NIPBL: variants seen among roughly 807,000 people sequenced by gnomAD.
The protein encoded by NIPBL is nipped-B-like protein.
NIPBL carries 19 observed loss-of-function variants against 321.8 expected under a neutral mutation model. The ratio of observed to expected loss-of-function variants is 0.06; its 90% CI spans 0.04 to 0.09. The LOEUF is 0.09. Among genes scored for constraint, NIPBL ranks in the 10% least tolerant of loss-of-function variants. NIPBL has a pLI of 1.00. For synonymous variants in NIPBL, 1,106 were observed against 1,114.1 expected (o/e 0.99, Z 0.14); for missense variants, 2,210 against 3,327.0 (o/e 0.66, Z 8.26).
intron 8 of NIPBL, 106 bp downstream of exon 8, chr5:36,972,147 T>C: frequency 1.3e-6 from 1 of 765,574 alleles, no homozygotes. Context: ...GTATTTTTTT[T>C]TCATTGTAGA....
chr5:36,976,623 A>C (rs1017781028), intron 9 of NIPBL, among the ~76,000 whole-genome samples: 1 of 152,098 alleles, frequency 6.6e-6, no homozygotes, highest in African/African-American at 2.4e-5. Flanking sequence ...TCTCTACTAC[A>C]GGTCTGTTAC....
At chr5:36,921,457 C>T (rs1424083757) in intron 1 of NIPBL, among the ~76,000 whole-genome samples, 2 of 152,178 alleles carry the variant, frequency 1.3e-5, no homozygotes, top group Admixed American at 6.5e-5. Context: ...CCTGTCTTCA[C>T]CATTTCATGA....
intron 10 of NIPBL, among the ~76,000 whole-genome samples, chr5:36,988,937 A>G (rs1248644591): frequency 6.6e-6 from 1 of 152,204 alleles, no homozygotes; most frequent in African/African-American, 2.4e-5. Flanking sequence ...TGAGCATGAT[A>G]AATGTAAAGT....
chr5:37,006,721 C>G lies in NIPBL; in HGVS notation c.4087+133C>G, dbSNP rs1580452241. The G allele has an allele frequency of 1.4e-5, 9 of 632,204 alleles. No individual in the cohort carries two copies. The East Asian group carries it at 2.5e-4, about 17-fold the overall frequency. 39.2% of individuals were successfully genotyped at this position (632,204 alleles called of 1,614,324 possible). A position where few individuals can be genotyped will look rare whatever the true frequency, so the allele number is the denominator to read the frequency against. ...ACACTGATTTTGATTATGGATTTGACTAGAATATAGTACTTGTTCAATTAT... is the reference window on the plus strand; with the variant it reads ...ACACTGATTTTGATTATGGATTTGAGTAGAATATAGTACTTGTTCAATTAT... On this transcript the variant is annotated intron_variant, in intron 17 of 46. Coordinates refer to ENST00000282516, the MANE Select transcript of NIPBL (RefSeq NM_133433.4).
Position 37,044,686 on chromosome 5 carries a change from A to C in NIPBL, c.6300A>C (p.Thr2100=), listed in dbSNP as rs1752794366. 1 of 1,613,824 alleles carries C rather than the reference A, an allele frequency of 6.2e-7. No individual in the cohort carries two copies. The highest frequency in any genetic ancestry group is 1.7e-5 in the Admixed American group (1 of 59,992). The change falls in exon 36 of 47, where the codon ACA becomes ACC. Residue 2100 remains threonine (T), a synonymous_variant. Coordinates refer to ENST00000282516, the MANE Select transcript of NIPBL (RefSeq NM_133433.4). ...TTGGAGCTGTTGTAAATAAAGTGAC[A>C]CAAAATTTTAAATTTGTGTGGGCTT... ...SCLGAVVNKV[T]QNFKFVWACF...
chr5:36,960,672 C>G (rs1456104464), intron 4 of NIPBL, among the ~76,000 whole-genome samples: 2 of 152,072 alleles, frequency 1.3e-5, no homozygotes, highest in African/African-American at 2.4e-5. Context: ...CAATTTGATG[C>G]TTGCAGCTGC....
At chr5:37,028,762 A>G (rs528906138) in intron 32 of NIPBL, among the ~76,000 whole-genome samples, 1 of 152,230 alleles carries the variant, frequency 6.6e-6, no homozygotes, top group African/African-American at 2.4e-5. Flanking sequence ...ATAATAATGC[A>G]TTATTCCATA....
intron 1 of NIPBL, among the ~76,000 whole-genome samples, chr5:36,891,932 G>A (rs1008778067): frequency 1.3e-5 from 2 of 152,102 alleles, no homozygotes; most frequent in African/African-American, 4.8e-5. Context: ...AACAGTCAAG[G>A]ATATATCCTT....
chr5:36,971,241 G>C (rs978471350), intron 7 of NIPBL, among the ~76,000 whole-genome samples: 2 of 149,148 alleles, frequency 1.3e-5, no homozygotes, highest in African/African-American at 5.0e-5. Flanking sequence ...AAGTGAGAAT[G>C]GTTTTTACAT....
At chr5:36,932,107 G>A (rs1749821614) in intron 1 of NIPBL, among the ~76,000 whole-genome samples, 1 of 151,884 alleles carries the variant, frequency 6.6e-6, no homozygotes, top group South Asian at 2.1e-4. Context: ...TTGTTGTCAG[G>A]GAACACCCTT....
intron 1 of NIPBL, among the ~76,000 whole-genome samples, chr5:36,951,727 C>A (rs1456079750): frequency 1.3e-5 from 2 of 152,040 alleles, no homozygotes; most frequent in African/African-American, 4.8e-5. Flanking sequence ...AGCAAATGGA[C>A]AAATATAGAA....
At chr5:36,944,408 T>C (rs1739439725) in intron 1 of NIPBL, among the ~76,000 whole-genome samples, 1 of 152,110 alleles carries the variant, frequency 6.6e-6, no homozygotes, top group Non-Finnish European at 1.5e-5. Context: ...TCCTAAAGTA[T>C]CTGAAGCATA....
intron 1 of NIPBL, among the ~76,000 whole-genome samples, chr5:36,952,066 G>GCT (rs1399134249): frequency 1.4e-5 from 2 of 140,044 alleles, no homozygotes; most frequent in Non-Finnish European, 1.6e-5. Context: ...GCGCGCGCGC[G>GCT]CGCGCGCATG....
intron 1 of NIPBL, among the ~76,000 whole-genome samples, chr5:36,921,498 T>G (rs1167268604): frequency 1.3e-5 from 2 of 152,198 alleles, no homozygotes; most frequent in African/African-American, 4.8e-5. Flanking sequence ...GGCTTACTTT[T>G]TCTTTAATTT....
At chr5:37,037,165 A>T (rs1316953866) in intron 33 of NIPBL, among the ~76,000 whole-genome samples, 2 of 151,500 alleles carry the variant, frequency 1.3e-5, no homozygotes, top group Non-Finnish European at 2.9e-5. Flanking sequence ...AGGCGGGCAG[A>T]TCATGAGGTC....
In NIPBL at chr5:36,972,119, A is replaced by G. The variant is rs186893979; in HGVS notation, c.868+78A>G. 6.5e-5 allele frequency: 61 copies of G among 935,580 alleles called. No homozygotes were observed. The Admixed American group carries it at 1.1e-3, about 17-fold the overall frequency. 58.0% of individuals were successfully genotyped at this position (935,580 alleles called of 1,614,324 possible). ...AAAGAACTCAGACTTCCTAAAGCAG[A>G]TATTAAAAAGTTATTCTGTATTTTT... is the stretch of plus-strand genomic sequence containing the variant. On this transcript the variant is annotated intron_variant, in intron 8 of 46. Coordinates refer to ENST00000282516, the MANE Select transcript of NIPBL (RefSeq NM_133433.4).
chr5:36,962,891 T>A (rs1580341952), intron 6 of NIPBL, among the ~76,000 whole-genome samples: 1 of 152,228 alleles, frequency 6.6e-6, no homozygotes, highest in East Asian at 1.9e-4. Flanking sequence ...TATCAGGGAC[T>A]TTTAAGCATT....
chr5:37,047,254 A>T (rs111470715), intron 38 of NIPBL, among the ~76,000 whole-genome samples: 1 of 152,166 alleles, frequency 6.6e-6, no homozygotes, highest in South Asian at 2.1e-4. Context: ...AAAGCTACCC[A>T]ATGAGATTAA....
chr5:36,945,598 T>C (rs1379231123), intron 1 of NIPBL, among the ~76,000 whole-genome samples: 1 of 152,166 alleles, frequency 6.6e-6, no homozygotes, highest in Admixed American at 6.5e-5. Flanking sequence ...TGCAGAGAGC[T>C]CAGGGTTCCA....
Sources: gnomAD v4.1 joint callset for allele counts (sites outside exome capture counted in the v4.1 genomes callset) on GRCh38, gnomAD v4.1.1 for gene constraint, MANE v1.5 for transcripts, NCBI Gene and HGNC (gene_info 2026-07-23, HGNC 2026-07-21) for gene names.